KIF16B: variants seen among roughly 807,000 people sequenced by gnomAD.
KIF16B encodes the protein kinesin family member 16B.
KIF16B carries 98 observed loss-of-function variants against 156.3 expected under a neutral mutation model. The observed-to-expected ratio is 0.63, with a 90% CI of 0.53 to 0.74. KIF16B has a LOEUF of 0.74. Among genes scored for constraint, KIF16B ranks in the 30% least tolerant of loss-of-function variants. The pLI is 0.00. For synonymous variants in KIF16B, 564 were observed against 583.7 expected (o/e 0.97, Z 0.49); for missense variants, 1,421 against 1,606.5 (o/e 0.88, Z 1.97).
intron 12 of KIF16B, among the ~76,000 whole-genome samples, chr20:16,486,590 C>T (rs558940063): frequency 5.9e-5 from 9 of 152,248 alleles, no homozygotes; most frequent in Admixed American, 3.9e-4. Context: ...CTGAACTATA[C>T]GGACTCGATT....
intron 23 of KIF16B, among the ~76,000 whole-genome samples, chr20:16,339,211 A>G (rs150863016): frequency 2.6e-5 from 4 of 152,248 alleles, no homozygotes; most frequent in Non-Finnish European, 4.4e-5. Flanking sequence ...TGGCTTCTGT[A>G]TTGCTAAATC....
chr20:16,467,118 G>T (rs1270844909), intron 12 of KIF16B, among the ~76,000 whole-genome samples: 1 of 152,202 alleles, frequency 6.6e-6, no homozygotes, highest in Non-Finnish European at 1.5e-5. Context: ...TTACATCAGA[G>T]CCCAACCTAC....
At chr20:16,383,453 C>T (rs1280992108) in intron 17 of KIF16B, among the ~76,000 whole-genome samples, 1 of 152,072 alleles carries the variant, frequency 6.6e-6, no homozygotes, top group Non-Finnish European at 1.5e-5. Context: ...TGTTAGATAG[C>T]AATATATTTA....
At chr20:16,466,917 C>T (rs2067508473) in intron 12 of KIF16B, among the ~76,000 whole-genome samples, 1 of 152,204 alleles carries the variant, frequency 6.6e-6, no homozygotes, top group Admixed American at 6.5e-5. Context: ...ACAAACACTA[C>T]AGGAGGACAC....
chr20:16,290,438 G>A (rs775262712), intron 25 of KIF16B, among the ~76,000 whole-genome samples: 8 of 152,156 alleles, frequency 5.3e-5, no homozygotes, highest in Non-Finnish European at 1.0e-4. Flanking sequence ...AATCTCCTTC[G>A]GTTAAAATTC....
At chr20:16,368,478 G>A (rs376782865) in intron 22 of KIF16B, 1 of 986,286 alleles carries the variant, frequency 1.0e-6, no homozygotes, top group African/African-American at 1.7e-5. Context: ...CCTGGGAGGG[G>A]AGCCCCCTCG....
intron 22 of KIF16B, among the ~76,000 whole-genome samples, chr20:16,364,445 C>T (rs749089772): frequency 1.4e-4 from 22 of 152,260 alleles, no homozygotes; most frequent in South Asian, 4.1e-4. Context: ...TCATTACAGC[C>T]GAGATGTCGT....
chr20:16,522,566 T>C (rs891595247), intron 3 of KIF16B, among the ~76,000 whole-genome samples: 4 of 152,216 alleles, frequency 2.6e-5, no homozygotes, highest in South Asian at 2.1e-4. Context: ...CACACAATAA[T>C]AGTGGGAGAC....
chr20:16,301,142 C>A (rs1025346344), intron 25 of KIF16B, among the ~76,000 whole-genome samples: 1 of 152,172 alleles, frequency 6.6e-6, no homozygotes, highest in Admixed American at 6.5e-5. Context: ...CAATGTTCTG[C>A]CAAAATCTCT....
At chr20:16,418,976 C>T (rs936276798) in intron 15 of KIF16B, among the ~76,000 whole-genome samples, 7 of 152,070 alleles carry the variant, frequency 4.6e-5, no homozygotes, top group African/African-American at 1.7e-4. Flanking sequence ...AATTTACAAA[C>T]CTTGTCATTC....
chr20:16,410,458 T>G (rs1204080159), intron 15 of KIF16B, among the ~76,000 whole-genome samples: 1 of 151,828 alleles, frequency 6.6e-6, no homozygotes, highest in East Asian at 1.9e-4. Context: ...TTTTTTGGAT[T>G]TCAGAATACT....
chr20:16,299,223 C>CGT (rs142284610), intron 25 of KIF16B, among the ~76,000 whole-genome samples: 2 of 151,472 alleles, frequency 1.3e-5, no homozygotes, highest in African/African-American at 4.8e-5. Flanking sequence ...CCCATGTGTG[C>CGT]GTGTGTGTGT....
At chr20:16,297,420 T>C (rs1210055447) in intron 25 of KIF16B, among the ~76,000 whole-genome samples, 1 of 152,184 alleles carries the variant, frequency 6.6e-6, no homozygotes, top group Non-Finnish European at 1.5e-5. Flanking sequence ...AGGCCAGGCA[T>C]GGTGGCTCAC....
chr20:16,360,373 T>C (rs2064528655), intron 22 of KIF16B, among the ~76,000 whole-genome samples: 1 of 152,188 alleles, frequency 6.6e-6, no homozygotes. Context: ...CCATTATTTA[T>C]GGGAGCTTTT....
At chr20:16,506,973 T>C (rs1010719257) in intron 7 of KIF16B, among the ~76,000 whole-genome samples, 2 of 151,522 alleles carry the variant, frequency 1.3e-5, no homozygotes, top group Non-Finnish European at 2.9e-5. Flanking sequence ...CGTGGTGTTG[T>C]GCACTGCAGT....
intron 1 of KIF16B, among the ~76,000 whole-genome samples, chr20:16,556,908 C>T (rs556355787): frequency 1.8e-4 from 27 of 152,178 alleles, no homozygotes; most frequent in African/African-American, 6.5e-4. Context: ...CTTACCACTA[C>T]CTTATGATCT....
At chr20:16,556,066 T>C (rs2070837413) in intron 1 of KIF16B, among the ~76,000 whole-genome samples, 1 of 152,200 alleles carries the variant, frequency 6.6e-6, no homozygotes, top group Admixed American at 6.5e-5. Context: ...CTTCCAACAC[T>C]GGGCCACTCA....
chr20:16,504,203 G>A (rs2068708330), intron 10 of KIF16B, among the ~76,000 whole-genome samples, 169 bp downstream of exon 10: 1 of 152,156 alleles, frequency 6.6e-6, no homozygotes. Context: ...TGAATGCAAA[G>A]GCTGACAAGA....
At chr20:16,450,336 T>A (rs1193522224) in intron 12 of KIF16B, among the ~76,000 whole-genome samples, 1 of 152,178 alleles carries the variant, frequency 6.6e-6, no homozygotes, top group Non-Finnish European at 1.5e-5. Flanking sequence ...GCCCCAACTC[T>A]ACCATGTAAC....
Sources: gnomAD v4.1 joint callset for allele counts (sites outside exome capture counted in the v4.1 genomes callset) on GRCh38, gnomAD v4.1.1 for gene constraint, MANE v1.5 for transcripts, NCBI Gene and HGNC (gene_info 2026-07-23, HGNC 2026-07-21) for gene names.